Variants in BDP1 observed in about 807,000 individuals in gnomAD.
BDP1 encodes BDP1 general transcription factor IIIB subunit.
Under a neutral mutation model 266.6 loss-of-function variants are expected in BDP1, and 169 were observed. The ratio of observed to expected loss-of-function variants is 0.63; its 90% CI spans 0.56 to 0.72. The LOEUF (loss-of-function observed/expected upper bound fraction) is 0.72. Among genes scored for constraint, BDP1 ranks in the 30% least tolerant of loss-of-function variants. The pLI is 0.00. For missense variants in BDP1, 3,015 were observed against 3,053.8 expected, an observed-to-expected ratio of 0.99 and a Z score of 0.30; for synonymous variants, 1,090 against 1,022.4, an observed-to-expected ratio of 1.07 and a Z score of -1.26.
At chr5:71,558,016 T>C (rs468658) in intron 36 of BDP1, among the ~76,000 whole-genome samples, 67,576 of 152,012 alleles carry the variant, frequency 0.44, 15,415 homozygotes, top group South Asian at 0.55. Context: ...TGACTAAAGC[T>C]GCCAGTCACA....
chr5:71,503,695 GGT>G (rs1483738393), intron 15 of BDP1, among the ~76,000 whole-genome samples: 3 of 152,128 alleles, frequency 2.0e-5, no homozygotes, highest in African/African-American at 7.2e-5. Flanking sequence ...GGCCAGGCAT[GGT>G]GACTCATGCC....
chr5:71,576,531 A>G, the BDP1 span, among the ~76,000 whole-genome samples: 31 of 152,092 alleles, frequency 2.0e-4, no homozygotes, highest in South Asian at 1.5e-3. Flanking sequence ...AATCGCCTTC[A>G]TTGTGCTGAC....
At position 71,512,298 on chromosome 5, in the gene BDP1, T is replaced by A; in HGVS notation, c.4117T>A (p.Ser1373Thr). ...MHTPVEEKRN[S>T]EKEVSSHFSH... ...TACACCTGTAGAAGAAAAAAGAAAT[T>A]CTGAAAAAGAAGTATCAAGTCACTT... Residue 1373 changes from serine to threonine, a missense_variant, in exon 18 of 39, where the codon TCT (serine) becomes ACT (threonine). Ser to Thr is a moderately conservative substitution (Grantham distance 58). Coordinates refer to ENST00000358731, the MANE Select transcript of BDP1 (RefSeq NM_018429.3). 4 of 1,593,312 alleles carry A rather than the reference T, an allele frequency of 2.5e-6. No individual in the cohort carries two copies. Among genetic ancestry groups the A allele is most frequent in the Non-Finnish European group, 3.4e-6 (4 of 1,174,292 alleles).
chr5:71,562,015 C>G (rs1435338630), intron 37 of BDP1, among the ~76,000 whole-genome samples: 2 of 151,858 alleles, frequency 1.3e-5, no homozygotes, highest in African/African-American at 4.8e-5. Flanking sequence ...GAGGCTGAGG[C>G]AGGCAGATGA....
chr5:71,525,248 C>T (rs1765733020), intron 25 of BDP1, among the ~76,000 whole-genome samples: 1 of 150,934 alleles, frequency 6.6e-6, no homozygotes, highest in Admixed American at 6.6e-5. Flanking sequence ...GATGGGGTGG[C>T]TGGCCAGGCG....
chr5:71,458,462 A>AT (rs536997378), intron 1 of BDP1, 117 bp from the exon 2 acceptor site: 7,749 of 584,726 alleles, frequency 0.013, no homozygotes, highest in South Asian at 0.018. Flanking sequence ...CAAGTTACTA[A>AT]TTTTTTTTTT....
chr5:71,556,681 CAGTT>C (rs1743236597), intron 35 of BDP1, among the ~76,000 whole-genome samples: 1 of 152,102 alleles, frequency 6.6e-6, no homozygotes, highest in Non-Finnish European at 1.5e-5. Flanking sequence ...TTATAAAAGG[CAGTT>C]AGCAGCTTTC....
intron 25 of BDP1, among the ~76,000 whole-genome samples, chr5:71,526,704 T>TA (rs1473259034): frequency 4.0e-5 from 6 of 148,398 alleles, no homozygotes; most frequent in African/African-American, 1.5e-4. Context: ...TTTTTTTTTT[T>TA]AAAGACGGGG....
chr5:71,512,483 A>T, intron 18 of BDP1, 55 bp downstream of exon 18: 1 of 1,189,764 alleles, frequency 8.4e-7, no homozygotes, highest in Non-Finnish European at 1.2e-6. Flanking sequence ...AGATTACGTT[A>T]AACTAAGTGA....
intron 16 of BDP1, among the ~76,000 whole-genome samples, chr5:71,506,786 AACACACACACACACAC>A (rs70992971): frequency 1.1e-4 from 7 of 64,408 alleles, no homozygotes; most frequent in East Asian, 4.9e-4. Flanking sequence ...ATATATTTGA[AACACACACACACACAC>A]ACACACACAC....
At position 71,516,124 on chromosome 5, in the gene BDP1, A is replaced by G. The variant is rs1765206238; in HGVS notation, c.4713A>G (p.Gln1571=). The G allele has an allele frequency of 6.2e-7, 1 of 1,612,774 alleles. No homozygotes were observed. The highest frequency in any genetic ancestry group is 8.5e-7 in the Non-Finnish European group (1 of 1,179,258). The change falls in exon 21 of 39, where the codon CAA becomes CAG. Residue 1571 remains glutamine (Q), a synonymous_variant. Transcript: ENST00000358731. The part of the protein sequence containing the change: ...MKESVIQTAR[Q]VRGRLQRPRP... ...AAAGTGTTATCCAAACTGCTCGACA[A>G]GTAAGGGGCCGACTTCAGAGACCGA...
At chr5:71,464,803 C>G (rs1761802747) in intron 4 of BDP1, among the ~76,000 whole-genome samples, 1 of 149,046 alleles carries the variant, frequency 6.7e-6, no homozygotes, top group African/African-American at 2.5e-5. Flanking sequence ...ACTGCAGCCT[C>G]TGCCTCCCGG....
At position 71,458,600 on chromosome 5, in the gene BDP1, CAAT is replaced by C. The variant is rs1761342557; in HGVS notation, c.235_237del (p.Asn79del). 1.9e-6 allele frequency: 3 copies of C among 1,612,174 alleles called. No homozygotes were observed. The highest frequency in any genetic ancestry group is 1.7e-5 in the Admixed American group (1 of 59,784). ...ACAGTACTGAAAAGACTGGTGGTGACAATGATGTTGAAGAATCCAGTAGATCTT... is the reference window on the plus strand; with the variant it reads ...ACAGTACTGAAAAGACTGGTGGTGACGATGTTGAAGAATCCAGTAGATCTT... On this transcript the variant is annotated inframe_deletion, in exon 2 of 39. Coordinates refer to ENST00000358731, the MANE Select transcript of BDP1 (RefSeq NM_018429.3).
intron 35 of BDP1, 106 bp from the exon 36 acceptor site, chr5:71,556,780 T>C: frequency 1.8e-6 from 1 of 550,608 alleles, no homozygotes; most frequent in East Asian, 3.5e-5. Context: ...TAAGAGCTTT[T>C]TGGGAGATAA....
rs531103570 is a variant in BDP1 at position 71,512,005 on chromosome 5, T to TC, written c.4060-235dup. 9.5e-4 allele frequency among the ~76,000 whole-genome samples: 145 copies of TC among 152,140 alleles called. 2 individuals are homozygous for TC. Among genetic ancestry groups the TC allele is most frequent in the African/African-American group, 2.9e-3 (120 of 41,548 alleles). ...ACATTTTCAAGGACTTTTTTTTTTT[T>TC]CTAACTTTTAAAAATAGATAATGAC... On this transcript the variant is annotated intron_variant, in intron 17 of 38. Coordinates refer to ENST00000358731, the MANE Select transcript of BDP1 (RefSeq NM_018429.3).
chr5:71,487,625 G>A (rs1273536815), intron 9 of BDP1, among the ~76,000 whole-genome samples: 1 of 152,216 alleles, frequency 6.6e-6, no homozygotes, highest in Non-Finnish European at 1.5e-5. Context: ...GTGTGTAGTG[G>A]CAGAGGCAGA....
chr5:71,456,404 T>C (rs1278438227), intron 1 of BDP1, among the ~76,000 whole-genome samples: 1 of 152,244 alleles, frequency 6.6e-6, no homozygotes, highest in Non-Finnish European at 1.5e-5. Context: ...TAGGTCACTA[T>C]AGTTTTCATC....
At chr5:71,464,452 G>T (rs576297699) in intron 4 of BDP1, among the ~76,000 whole-genome samples, 1 of 152,094 alleles carries the variant, frequency 6.6e-6, no homozygotes, top group South Asian at 2.1e-4. Context: ...CTATGATCAC[G>T]CCACTGCATT....
chr5:71,490,383 T>C (rs1763514570), intron 10 of BDP1, among the ~76,000 whole-genome samples: 1 of 152,174 alleles, frequency 6.6e-6, no homozygotes, highest in Non-Finnish European at 1.5e-5. Flanking sequence ...TTTGGCTTAT[T>C]GGAGTCATTA....
Sources: gnomAD v4.1 joint callset for allele counts (sites outside exome capture counted in the v4.1 genomes callset) on GRCh38, gnomAD v4.1.1 for gene constraint, MANE v1.5 for transcripts, NCBI Gene and HGNC (gene_info 2026-07-23, HGNC 2026-07-21) for gene names.